Variants in CATSPERD observed in about 807,000 individuals in gnomAD.
CATSPERD encodes cation channel sperm-associated auxiliary subunit delta.
Under a neutral mutation model 98.1 loss-of-function variants are expected in CATSPERD, and 86 were observed. The observed-to-expected ratio is 0.88, with a 90% CI of 0.74 to 1.05. The LOEUF (loss-of-function observed/expected upper bound fraction) is 1.05, where lower values mean the gene tolerates loss of function less well. CATSPERD is among the 50% of genes least tolerant of loss of function. The probability of loss-of-function intolerance (pLI) is 0.00; values close to 1 mark genes in which losing one functional copy is unlikely to be tolerated. For missense variants in CATSPERD, 995 were observed against 1,005.7 expected (o/e 0.99, Z 0.14); for synonymous variants, 394 against 390.2 (o/e 1.01, Z -0.12).
chr19:5,760,558 AG>A (rs1470573401), intron 15 of CATSPERD, among the ~76,000 whole-genome samples: 1 of 142,550 alleles, frequency 7.0e-6, no homozygotes, highest in African/African-American at 2.6e-5. Flanking sequence ...TCACAGAGAC[AG>A]GAAGTAGGAT....
At chr19:5,739,842 A>AAAAAAAAAAAATG (rs57355784) in intron 7 of CATSPERD, among the ~76,000 whole-genome samples, 5 of 133,012 alleles carry the variant, frequency 3.8e-5, no homozygotes, top group African/African-American at 1.4e-4. Context: ...TCATCTCAAA[A>AAAAAAAAAAAATG]AAAAAAAAAA....
At chr19:5,726,202 C>T (rs2055601276) in intron 2 of CATSPERD, among the ~76,000 whole-genome samples, 1 of 151,628 alleles carries the variant, frequency 6.6e-6, no homozygotes. Context: ...GCTGGGATTA[C>T]AGGCGTGCGC....
At chr19:5,755,216 C>T (rs2056302335) in intron 13 of CATSPERD, among the ~76,000 whole-genome samples, 2 of 152,180 alleles carry the variant, frequency 1.3e-5, no homozygotes, top group Non-Finnish European at 2.9e-5. Context: ...GGCCTTCCCC[C>T]ACCCAGCAGG....
intron 15 of CATSPERD, among the ~76,000 whole-genome samples, chr19:5,759,707 G>A (rs368002533): frequency 1.4e-4 from 22 of 151,862 alleles, no homozygotes; most frequent in South Asian, 4.2e-4. Context: ...TCAACCCACC[G>A]GTCCATCACC....
rs2055624838 is a variant in CATSPERD at position 5,727,333 on chromosome 19, A to G, written c.192A>G (p.Ala64=). 1 of 1,611,146 alleles carries G rather than the reference A, an allele frequency of 6.2e-7. No homozygotes were observed. The highest frequency in any genetic ancestry group is 2.2e-5 in the East Asian group (1 of 44,870). ...LIKHPCEKNI[A]LYLGKQVFFT... is the part of the protein sequence containing the mutation. ...AACATCCTTGCGAGAAAAATATAGC[A>G]CTATATCTAGGGTAAGTGGCAATTT... The change falls in exon 3 of 22, where the codon GCA becomes GCG. Residue 64 remains alanine (A), a synonymous_variant. Coordinates refer to ENST00000381624, the MANE Select transcript of CATSPERD (RefSeq NM_152784.4).
rs752198648 is a variant in CATSPERD, at chr19:5,748,268, C to A, written c.904+13C>A. 6.2e-7 allele frequency: 1 copy of A among 1,609,124 alleles called. No individual in the cohort carries two copies. The highest frequency in any genetic ancestry group is 1.1e-5 in the South Asian group (1 of 91,004). On this transcript the variant is annotated intron_variant, in intron 10 of 21. Coordinates refer to ENST00000381624, the MANE Select transcript of CATSPERD (RefSeq NM_152784.4). ...AACATTGCTGTCAGTGCGTAGCCGA[C>A]CCACTGCTAGCCAAGAAATATTTAG... is the stretch of plus-strand genomic sequence containing the variant.
chr19:5,729,887 C>G lies in CATSPERD; in HGVS notation c.219C>G (p.Phe73Leu). Residue 73 changes from phenylalanine (F) to leucine (L), a missense_variant, in exon 4 of 22, where the codon TTC becomes TTG. Physicochemically the swap from Phe to Leu is conservative, Grantham distance 22. Transcript: ENST00000381624. ...TTTATTTCAGGAAACAAGTTTTTTT[C>G]ACAATGGATAACTTTGAGACTAGTC... ...IALYLGKQVF[F>L]TMDNFETSLL... The G allele has an allele frequency of 6.3e-7, 1 of 1,588,150 alleles. No homozygotes were observed. Among genetic ancestry groups the G allele is most frequent in the Non-Finnish European group, 8.6e-7 (1 of 1,163,352 alleles).
intron 1 of CATSPERD, 48 bp from the exon 2 acceptor site, chr19:5,724,760 C>G: frequency 6.3e-7 from 1 of 1,575,598 alleles, no homozygotes; most frequent in Non-Finnish European, 8.7e-7. Context: ...AGGATTCATG[C>G]TGAATATTCA....
chr19:5,771,580 GTTC>G (rs1054912030), intron 19 of CATSPERD, among the ~76,000 whole-genome samples: 5 of 149,096 alleles, frequency 3.4e-5, no homozygotes, highest in East Asian at 2.0e-4. Flanking sequence ...CTGTCTTCCT[GTTC>G]TTTTTTTTTT....
chr19:5,721,550 C>T (rs1475160556), intron 1 of CATSPERD, among the ~76,000 whole-genome samples: 3 of 152,236 alleles, frequency 2.0e-5, no homozygotes, highest in Admixed American at 6.5e-5. Flanking sequence ...AGGGAACTCC[C>T]ATCTGGACTA....
At chr19:5,758,573 C>A (rs1457757916) in intron 14 of CATSPERD, among the ~76,000 whole-genome samples, 193 of 109,440 alleles carry the variant, frequency 1.8e-3, no homozygotes, top group Non-Finnish European at 1.8e-3. Flanking sequence ...ACTAAAAATA[C>A]AAAAAAAAAA....
In CATSPERD at chr19:5,737,617, C is replaced by T. The variant is rs1251927434; in HGVS notation, c.459+412C>T. ...GTAGTAATCTAGCATTTTGGGAGGC[C>T]GAGGTGGAATCACCTGAGGCCAGGA... On this transcript the variant is annotated intron_variant, in intron 6 of 21. Transcript: ENST00000381624. Among the ~76,000 whole-genome samples, 5 of 149,150 alleles carry T rather than the reference C, an allele frequency of 3.4e-5. No homozygotes were observed. In the South Asian group the frequency reaches 6.3e-4, roughly 19 times the overall value.
intron 4 of CATSPERD, 66 bp from the exon 5 acceptor site, chr19:5,733,790 T>G (rs923437799): frequency 3.6e-6 from 4 of 1,120,896 alleles, no homozygotes; most frequent in Non-Finnish European, 5.3e-6. Flanking sequence ...TGTCTAGAAG[T>G]CTGCGTTTCT....
Position 5,744,461 on chromosome 19 carries a change from A to G in CATSPERD, c.608A>G (p.His203Arg). 1.2e-6 allele frequency: 2 copies of G among 1,612,588 alleles called. No homozygotes were observed. The highest frequency in any genetic ancestry group is 1.7e-6 in the Non-Finnish European group (2 of 1,179,032). The change falls in exon 8 of 22, where the codon CAC becomes CGC. Residue 203 changes from histidine to arginine, a missense_variant. Transcript: ENST00000381624. ...ATTGGGTCTTTAGGCGGAATCTTCCACTTTTTTTCTTTGTCACAGGTTGCG... is the reference window on the plus strand; with the variant it reads ...ATTGGGTCTTTAGGCGGAATCTTCCGCTTTTTTTCTTTGTCACAGGTTGCG... Reference protein sequence around the residue: ...EIIGSLGGIFHFFSLSQVAML... With the variant: ...EIIGSLGGIFRFFSLSQVAML...
At chr19:5,741,895 G>A (rs2055980595) in intron 7 of CATSPERD, among the ~76,000 whole-genome samples, 1 of 150,582 alleles carries the variant, frequency 6.6e-6, no homozygotes, top group Admixed American at 6.7e-5. Flanking sequence ...GCTGGGTGTG[G>A]CGGCTGGCGT....
chr19:5,753,561 C>CAAAAA, intron 12 of CATSPERD: 1 of 324,606 alleles, frequency 3.1e-6, no homozygotes, highest in Non-Finnish European at 6.0e-6. Flanking sequence ...GACTCTGTCT[C>CAAAAA]AAAAAAAAAA....
At chr19:5,773,763 G>T (rs2056692165) in intron 20 of CATSPERD, among the ~76,000 whole-genome samples, 1 of 148,104 alleles carries the variant, frequency 6.8e-6, no homozygotes, top group South Asian at 2.1e-4. Flanking sequence ...CTCCTGGGCT[G>T]AAGCGATCCT....
intron 17 of CATSPERD, among the ~76,000 whole-genome samples, chr19:5,766,459 G>GAACAAAAA (rs2056540866): frequency 7.0e-6 from 1 of 142,520 alleles, no homozygotes. Flanking sequence ...CTCTCGTCTT[G>GAACAAAAA]AAAAAAAAAA....
At chr19:5,760,701 A>T (rs2056418210) in intron 15 of CATSPERD, among the ~76,000 whole-genome samples, 1 of 152,094 alleles carries the variant, frequency 6.6e-6, no homozygotes, top group African/African-American at 2.4e-5. Context: ...AATGTAGTTA[A>T]TATTGATGAA....
Sources: allele counts gnomAD v4.1 joint callset (sites outside exome capture counted in the v4.1 genomes callset), GRCh38; gene constraint gnomAD v4.1.1; transcripts MANE v1.5; gene names NCBI Gene and HGNC (gene_info 2026-07-23, HGNC 2026-07-21).